Variants in SLIT3 observed in about 807,000 individuals in gnomAD.
The protein encoded by SLIT3 is slit homolog 3 protein.
SLIT3 carries 68 observed loss-of-function variants against 184.0 expected under a neutral mutation model. The ratio of observed to expected loss-of-function variants is 0.37; its 90% CI spans 0.30 to 0.45. SLIT3 has a LOEUF of 0.45. Among genes scored for constraint, SLIT3 ranks in the 20% least tolerant of loss-of-function variants. The pLI, the probability that SLIT3 is intolerant of heterozygous loss-of-function variation, is 1.00. For missense variants in SLIT3, 1,707 were observed against 2,026.0 expected (o/e 0.84, Z 3.02); for synonymous variants, 831 against 828.6 (o/e 1.00, Z -0.05).
chr5:168,824,594 C>T (rs1561953101), intron 6 of SLIT3, among the ~76,000 whole-genome samples: 1 of 152,198 alleles, frequency 6.6e-6, no homozygotes, highest in Non-Finnish European at 1.5e-5. Flanking sequence ...GGTGGAGAGA[C>T]ATAATATGTG....
At chr5:168,676,285 A>G (rs1761409699) in intron 32 of SLIT3, among the ~76,000 whole-genome samples, 1 of 152,202 alleles carries the variant, frequency 6.6e-6, no homozygotes, top group South Asian at 2.1e-4. Context: ...CAGGGAAGAT[A>G]GGGTAACTGC....
intron 6 of SLIT3, among the ~76,000 whole-genome samples, chr5:168,836,207 C>A (rs1758048778): frequency 6.6e-6 from 1 of 152,192 alleles, no homozygotes; most frequent in Non-Finnish European, 1.5e-5. Context: ...TCTTGGGCAT[C>A]CCTGGTGGGA....
At chr5:169,043,999 G>A (rs1757536131) in intron 4 of SLIT3, among the ~76,000 whole-genome samples, 1 of 152,228 alleles carries the variant, frequency 6.6e-6, no homozygotes, top group Admixed American at 6.5e-5. Context: ...CCAGATCAGA[G>A]AAACTTATTC....
chr5:168,754,043 G>A (rs117222303), intron 16 of SLIT3, 36 bp from the exon 17 acceptor site: 3 of 1,531,412 alleles, frequency 2.0e-6, no homozygotes, highest in East Asian at 2.5e-5. Flanking sequence ...AGAATCAAAA[G>A]GAGCAGATGG....
chr5:168,755,404 T>TCCTTCCTTCCTTCCTTC (rs1491410943), intron 16 of SLIT3, among the ~76,000 whole-genome samples: 1 of 20,064 alleles, frequency 5.0e-5, no homozygotes, highest in East Asian at 1.6e-3. Flanking sequence ...TTTCTTTCTT[T>TCCTTCCTTCCTTCCTTC]CTTTCTTTCT....
At chr5:169,246,343 A>C (rs910299442) in intron 2 of SLIT3, among the ~76,000 whole-genome samples, 2 of 152,312 alleles carry the variant, frequency 1.3e-5, no homozygotes, top group African/African-American at 2.4e-5. Context: ...GGAGAGGCTA[A>C]AAGACTTGCT....
At chr5:168,823,367 A>T in intron 6 of SLIT3, 36 bp from the exon 7 acceptor site, 1 of 1,513,578 alleles carries the variant, frequency 6.6e-7, no homozygotes, top group Non-Finnish European at 9.2e-7. Context: ...TCAGCCAGGC[A>T]GCAGCAGGGG....
intron 1 of SLIT3, among the ~76,000 whole-genome samples, chr5:169,278,152 G>C (rs910462764): frequency 6.6e-6 from 1 of 152,152 alleles, no homozygotes; most frequent in African/African-American, 2.4e-5. Flanking sequence ...GACAGGATCT[G>C]GAACTCCCAT....
intron 4 of SLIT3, among the ~76,000 whole-genome samples, chr5:169,134,170 T>A (rs551398975): frequency 1.3e-5 from 2 of 152,226 alleles, no homozygotes; most frequent in South Asian, 2.1e-4. Context: ...TCTCTCAACA[T>A]GGTAGCCAAC....
intron 3 of SLIT3, among the ~76,000 whole-genome samples, chr5:169,234,104 T>A (rs985459036): frequency 3.3e-5 from 5 of 152,250 alleles, no homozygotes; most frequent in African/African-American, 1.2e-4. Context: ...TGTGATTAAT[T>A]ACATCTTTAT....
At chr5:168,726,788 C>A (rs969989562) in intron 20 of SLIT3, among the ~76,000 whole-genome samples, 9 of 142,814 alleles carry the variant, frequency 6.3e-5, no homozygotes, top group African/African-American at 2.2e-4. Context: ...GCCTGGCCAA[C>A]ATGGTGAAAC....
At chr5:168,843,152 C>T (rs990430617) in intron 6 of SLIT3, among the ~76,000 whole-genome samples, 14 of 152,096 alleles carry the variant, frequency 9.2e-5, no homozygotes, top group African/African-American at 3.4e-4. Flanking sequence ...GAATTCTCGG[C>T]TTTCATCCGA....
intron 15 of SLIT3, 57 bp downstream of exon 15, chr5:168,762,482 C>T (rs1173071247): frequency 6.3e-7 from 1 of 1,581,984 alleles, no homozygotes; most frequent in Non-Finnish European, 8.7e-7. Context: ...CCCACGCTGG[C>T]TCCGGGTGAC....
intron 32 of SLIT3, among the ~76,000 whole-genome samples, chr5:168,679,457 A>C (rs1173567071): frequency 1.3e-5 from 2 of 152,120 alleles, no homozygotes; most frequent in East Asian, 3.9e-4. Context: ...GCATTCTCTT[A>C]TTTAATCCTA....
chr5:169,128,825 T>C (rs1464815258), intron 4 of SLIT3, among the ~76,000 whole-genome samples: 1 of 152,220 alleles, frequency 6.6e-6, no homozygotes, highest in Non-Finnish European at 1.5e-5. Flanking sequence ...CTGGCAAATG[T>C]AATTACTAAG....
At chr5:168,708,494 T>G in intron 25 of SLIT3, 2 of 268,908 alleles carry the variant, frequency 7.4e-6, no homozygotes, top group Non-Finnish European at 1.5e-5. Flanking sequence ...CAAACACCCC[T>G]CCCCATGGAA....
intron 9 of SLIT3, among the ~76,000 whole-genome samples, chr5:168,801,705 C>T (rs577468331): frequency 2.6e-5 from 4 of 152,134 alleles, no homozygotes; most frequent in African/African-American, 9.6e-5. Flanking sequence ...TAATCAAAAC[C>T]TGCTGGAAGC....
chr5:168,963,484 C>A (rs1476887736), intron 4 of SLIT3, among the ~76,000 whole-genome samples: 1 of 152,212 alleles, frequency 6.6e-6, no homozygotes, highest in East Asian at 1.9e-4. Flanking sequence ...ATGCTCATTT[C>A]TTTACAGAGT....
chr5:168,901,584 C>T (rs1760875578), intron 4 of SLIT3, among the ~76,000 whole-genome samples: 1 of 152,020 alleles, frequency 6.6e-6, no homozygotes, highest in Non-Finnish European at 1.5e-5. Flanking sequence ...TTTTTCAGAA[C>T]CCATAATTAT....
Sources: gnomAD v4.1 joint callset for allele counts (sites outside exome capture counted in the v4.1 genomes callset) on GRCh38, gnomAD v4.1.1 for gene constraint, MANE v1.5 for transcripts, NCBI Gene and HGNC (gene_info 2026-07-23, HGNC 2026-07-21) for gene names.